The following HNRNPA1L2 variants were observed in gnomAD, a reference collection of about 807,000 sequenced individuals.
The protein encoded by HNRNPA1L2 is heterogeneous nuclear ribonucleoprotein A1 like 2.
Under a neutral mutation model 18.2 loss-of-function variants are expected in HNRNPA1L2, and 10 were observed. That is an observed-to-expected ratio of 0.55 (90% CI 0.34 to 0.93). The LOEUF (loss-of-function observed/expected upper bound fraction) is 0.93, where lower values mean the gene tolerates loss of function less well. Among genes scored for constraint, HNRNPA1L2 ranks in the 40% least tolerant of loss-of-function variants. HNRNPA1L2 has a pLI of 0.02. For synonymous variants in HNRNPA1L2, 124 were observed against 138.6 expected (o/e 0.89, Z 0.74); for missense variants, 308 against 394.4 (o/e 0.78, Z 1.85).
chr13:52,622,500 G>T, the HNRNPA1L2 span, among the ~76,000 whole-genome samples: 16 of 152,306 alleles, frequency 1.1e-4, no homozygotes, highest in Middle Eastern at 3.4e-3. Flanking sequence ...AAGGAAGAGA[G>T]AAGTGATCTC....
chr13:52,628,187 A>G, the HNRNPA1L2 span, among the ~76,000 whole-genome samples: 2 of 152,218 alleles, frequency 1.3e-5, no homozygotes, highest in Non-Finnish European at 2.9e-5. Flanking sequence ...TCATGCCCGT[A>G]ATCCCAGCAC....
chr13:52,636,763 G>T, the HNRNPA1L2 span, among the ~76,000 whole-genome samples: 423 of 152,186 alleles, frequency 2.8e-3, 3 homozygotes, highest in African/African-American at 9.7e-3. Flanking sequence ...CCAGTAGAAG[G>T]GGTAGTGATT....
At chr13:52,630,883 G>A in the HNRNPA1L2 span, among the ~76,000 whole-genome samples, 21 of 152,100 alleles carry the variant, frequency 1.4e-4, no homozygotes, top group East Asian at 7.7e-4. Context: ...AGTTAATACC[G>A]GAGAAAATTT....
chr13:52,617,554 C>T, the HNRNPA1L2 span: 2 of 434,990 alleles, frequency 4.6e-6, no homozygotes, highest in East Asian at 6.7e-5. Context: ...TTTATGTCTC[C>T]GCGGTGTTTC....
the HNRNPA1L2 span, among the ~76,000 whole-genome samples, chr13:52,632,119 A>G: frequency 6.6e-6 from 1 of 151,670 alleles, no homozygotes; most frequent in African/African-American, 2.4e-5. Flanking sequence ...TTTTCACAAC[A>G]TGGAGTTTTT....
upstream of HNRNPA1L2, chr13:52,642,044 C>T (rs1961673358): frequency 6.2e-6 from 1 of 160,186 alleles, no homozygotes; most frequent in African/African-American, 2.4e-5. Context: ...TTCTGTGTTT[C>T]TGTTTATCAA....
In HNRNPA1L2 at chr13:52,642,474, C is replaced by A; in HGVS notation, c.-19C>A. On this transcript the variant is annotated 5_prime_UTR_variant, in exon 1 of 1. Transcript: ENST00000357495. ...GCCGCTGAAGAAGCATCGTTAAAGT[C>A]TCTCTTCACCTTGCCGTCATGTCTA... 6.2e-7 allele frequency: 1 copy of A among 1,610,828 alleles called. No individual in the cohort carries two copies.
the HNRNPA1L2 span, among the ~76,000 whole-genome samples, chr13:52,628,122 G>A: frequency 5.6e-4 from 85 of 152,132 alleles, no homozygotes; most frequent in Non-Finnish European, 1.1e-3. Flanking sequence ...TTCCCAATGA[G>A]CGTGTGTACC....
At chr13:52,624,438 C>G in the HNRNPA1L2 span, among the ~76,000 whole-genome samples, 4 of 152,184 alleles carry the variant, frequency 2.6e-5, no homozygotes, top group South Asian at 6.2e-4. Flanking sequence ...ATGACCTAGC[C>G]TTGTAATAAG....
the HNRNPA1L2 span, among the ~76,000 whole-genome samples, chr13:52,629,063 G>A: frequency 2.0e-5 from 3 of 151,928 alleles, no homozygotes; most frequent in Non-Finnish European, 4.4e-5. Context: ...TTAGTAGAGA[G>A]GGGGGTTTCT....
Position 52,643,747 on chromosome 13 carries a change from A to G in HNRNPA1L2, c.*292A>G. On this transcript the variant is annotated 3_prime_UTR_variant, in exon 1 of 1. Transcript: ENST00000357495. ...TTGCACCCATGCTGTTGATTGCTAA[A>G]TGTAATAGTCTGATTGTGACGCTGA... 3 of 468,682 alleles carry G rather than the reference A, an allele frequency of 6.4e-6. No homozygotes were observed. The highest frequency in any genetic ancestry group is 7.8e-6 in the Non-Finnish European group (2 of 257,776). The allele number at this position is 468,682 out of a possible 1,614,324, so 29.0% of individuals were successfully genotyped here.
At chr13:52,637,413 G>A in the HNRNPA1L2 span, 31 of 254,604 alleles carry the variant, frequency 1.2e-4, no homozygotes, top group Non-Finnish European at 2.1e-4. Context: ...ACAAAAGAGG[G>A]GAAACTGAGA....
the HNRNPA1L2 span, among the ~76,000 whole-genome samples, chr13:52,634,922 C>T: frequency 6.6e-6 from 1 of 152,188 alleles, no homozygotes; most frequent in South Asian, 2.1e-4. Context: ...GTGCCTGGAA[C>T]ATAGTACACA....
upstream of HNRNPA1L2, among the ~76,000 whole-genome samples, chr13:52,637,768 T>A (rs1366713640): frequency 6.6e-6 from 1 of 152,200 alleles, no homozygotes; most frequent in Non-Finnish European, 1.5e-5. Context: ...ATCATTCTGT[T>A]CCTCAAGTTG....
rs771743894 is a variant in HNRNPA1L2 at position 52,643,381 on chromosome 13, G to C, written c.889G>C (p.Ala297Pro). The change falls in exon 1 of 1, where the codon GCA becomes CCA. Residue 297 changes from alanine (A) to proline (P), a missense_variant. Transcript: ENST00000357495. ...CTATGGCGGTGGAGGCCAATACTTT[G>C]CAAAACCACAAAACCAAGGTGGCTA... ...GPYGGGGQYF[A>P]KPQNQGGYGV... 6.3e-7 allele frequency: 1 copy of C among 1,598,652 alleles called. No homozygotes were observed. Among genetic ancestry groups the C allele is most frequent in the Non-Finnish European group, 8.5e-7 (1 of 1,179,782 alleles).
upstream of HNRNPA1L2, among the ~76,000 whole-genome samples, chr13:52,640,073 T>G (rs1249813397): frequency 6.6e-6 from 1 of 152,092 alleles, no homozygotes; most frequent in Admixed American, 6.5e-5. Flanking sequence ...CCTGAGTTGC[T>G]GGGACCACAG....
chr13:52,619,918 T>TAA, the HNRNPA1L2 span, among the ~76,000 whole-genome samples: 1 of 43,416 alleles, frequency 2.3e-5, no homozygotes, highest in South Asian at 7.7e-4. Flanking sequence ...AGATTCCGTC[T>TAA]CAAAAAAAAA....
chr13:52,624,961 G>A, the HNRNPA1L2 span, among the ~76,000 whole-genome samples: 1 of 152,016 alleles, frequency 6.6e-6, no homozygotes, highest in African/African-American at 2.4e-5. Context: ...AACCCGGGAG[G>A]TGGACAATGC....
chr13:52,618,781 C>T, the HNRNPA1L2 span, among the ~76,000 whole-genome samples: 3 of 152,126 alleles, frequency 2.0e-5, no homozygotes. Flanking sequence ...GAAGGTGTTG[C>T]ATTTGAAGTA....
Sources: gnomAD v4.1 joint callset for allele counts (sites outside exome capture counted in the v4.1 genomes callset) on GRCh38, gnomAD v4.1.1 for gene constraint, MANE v1.5 for transcripts, NCBI Gene and HGNC (gene_info 2026-07-23, HGNC 2026-07-21) for gene names.